Variants in SEC16B observed in about 807,000 individuals in gnomAD.
SEC16B encodes protein transport protein Sec16B.
In SEC16B, 115 loss-of-function variants were observed where a neutral mutation model predicts 141.8. That is an observed-to-expected ratio of 0.81 (90% confidence interval 0.70 to 0.95). The LOEUF (loss-of-function observed/expected upper bound fraction) is 0.95. SEC16B is among the 40% of genes least tolerant of loss of function. The probability of loss-of-function intolerance (pLI) is 0.00; values close to 1 mark genes in which losing one functional copy is unlikely to be tolerated. For missense variants in SEC16B, 1,291 were observed against 1,312.3 expected (o/e 0.98, Z 0.25); for synonymous variants, 493 against 492.5 (o/e 1.00, Z -0.01).
chr1:177,944,050 T>C (rs560009135), intron 15 of SEC16B, among the ~76,000 whole-genome samples: 1 of 152,264 alleles, frequency 6.6e-6, no homozygotes, highest in African/African-American at 2.4e-5. Flanking sequence ...AACCACAGTA[T>C]GGACACCACC....
At chr1:177,981,653 T>G (rs1654421708) in intron 1 of SEC16B, among the ~76,000 whole-genome samples, 1 of 152,156 alleles carries the variant, frequency 6.6e-6, no homozygotes, top group South Asian at 2.1e-4. Context: ...TTTAATAAAA[T>G]GTGGTAAGTG....
chr1:177,967,913 T>C lies in SEC16B; in HGVS notation c.69A>G (p.Pro23=). ...RGKATAPSKD[P]DRGFRRDGHH... ...GTCCATCTCTCCGAAACCCTCGGTCTGGATCCTTTGAGGGTGCTGTGGCCT... is the reference window on the plus strand; with the variant it reads ...GTCCATCTCTCCGAAACCCTCGGTCCGGATCCTTTGAGGGTGCTGTGGCCT... The change falls in exon 2 of 26, where the codon CCA becomes CCG. Residue 23 remains proline (P), a synonymous_variant. Transcript: ENST00000308284. 6.2e-7 allele frequency: 1 copy of C among 1,614,018 alleles called. No individual in the cohort carries two copies. Among genetic ancestry groups the C allele is most frequent in the Non-Finnish European group, 8.5e-7 (1 of 1,179,872 alleles).
chr1:177,940,512 G>A (rs567804163), intron 17 of SEC16B, 98 bp downstream of exon 17: 6 of 794,798 alleles, frequency 7.5e-6, no homozygotes, highest in African/African-American at 1.7e-5. Context: ...GGGGACCAGG[G>A]ACTTGCTAAT....
chr1:177,958,845 T>G lies in SEC16B; in HGVS notation c.1129A>C (p.Asn377His), dbSNP rs746591287. The G allele has an allele frequency of 6.2e-7, 1 of 1,613,250 alleles. No homozygotes were observed. The highest frequency in any genetic ancestry group is 2.2e-5 in the East Asian group (1 of 44,888). The change falls in exon 9 of 26, where the codon AAT (asparagine) becomes CAT (histidine). Residue 377 changes from asparagine (N) to histidine (H), a missense_variant. Asn to His is a moderately conservative substitution (Grantham distance 68, BLOSUM62 1). This residue lies in a region of SEC16B where 681 missense variants were observed against 675.5 expected (regional missense o/e 1.01). Coordinates refer to ENST00000308284, the MANE Select transcript of SEC16B (RefSeq NM_033127.4). The part of the protein sequence containing the change: ...WQLLVLLCRQ[N>H]GSMVGSDIAE... Reference sequence around the variant, plus strand: ...CCCACCAGAACAGAACTTACCCCATTCTGGCGACAAAGGAGAACCAAGAGC... The same window carrying G: ...CCCACCAGAACAGAACTTACCCCATGCTGGCGACAAAGGAGAACCAAGAGC...
At chr1:177,963,694 T>C (rs1342721791) in intron 5 of SEC16B, among the ~76,000 whole-genome samples, 2 of 152,346 alleles carry the variant, frequency 1.3e-5, no homozygotes, top group African/African-American at 4.8e-5. Context: ...AAAAAAGATT[T>C]CCATTTTGTG....
chr1:177,948,359 CG>C (rs1557976840), intron 12 of SEC16B: 1 of 1,304,462 alleles, frequency 7.7e-7, no homozygotes, highest in Non-Finnish European at 1.0e-6. Context: ...TCACAGAAGT[CG>C]GGGGAACACG....
rs759209279 is a variant in SEC16B, at chr1:177,947,887, G to A, written c.1601C>T (p.Ser534Leu). The A allele has an allele frequency of 1.2e-5, 19 of 1,560,622 alleles. No individual in the cohort carries two copies. In the South Asian group the frequency reaches 1.4e-4, roughly 12 times the overall value. Reference protein sequence around the residue: ...DWRPHLAVILSNQAGDPELYQ... With the variant: ...DWRPHLAVILLNQAGDPELYQ... ...CAGCTCTGGGTCCCCAGCCTGATTC[G>A]ACAGAATCACAGCCAAGTGAGGCCT... Residue 534 changes from serine (S) to leucine (L), a missense_variant, in exon 13 of 26, where the codon TCG (serine) becomes TTG (leucine). Around this residue, in one of 3 missense-constraint regions of SEC16B, gnomAD observed 681 missense variants for 675.5 expected, o/e 1.01. Coordinates refer to ENST00000308284, the MANE Select transcript of SEC16B (RefSeq NM_033127.4).
chr1:177,930,359 T>C (rs1001131230), intron 25 of SEC16B, among the ~76,000 whole-genome samples, 186 bp downstream of exon 25: 1 of 152,222 alleles, frequency 6.6e-6, no homozygotes, highest in Non-Finnish European at 1.5e-5. Context: ...AGGCCCTTCA[T>C]ATACATATCT....
chr1:177,974,137 T>C (rs938463508), upstream of SEC16B, among the ~76,000 whole-genome samples: 15 of 152,176 alleles, frequency 9.9e-5, no homozygotes, highest in African/African-American at 3.4e-4. Flanking sequence ...TTTTTTTATT[T>C]TGGCTAATAA....
At chr1:177,947,739 G>C (rs1651826901) in intron 13 of SEC16B, 86 bp downstream of exon 13, 1 of 682,320 alleles carries the variant, frequency 1.5e-6, no homozygotes, top group Non-Finnish European at 2.6e-6. Flanking sequence ...AGAGGGACGG[G>C]GAGGGGAGGT....
At chr1:177,948,203 A>G (rs1238629404) in intron 12 of SEC16B, among the ~76,000 whole-genome samples, 1 of 152,232 alleles carries the variant, frequency 6.6e-6, no homozygotes, top group Non-Finnish European at 1.5e-5. Flanking sequence ...AAATAAAATG[A>G]CATTGCTCAC....
At chr1:177,956,966 T>C (rs1036182211) in intron 10 of SEC16B, among the ~76,000 whole-genome samples, 1 of 152,182 alleles carries the variant, frequency 6.6e-6, no homozygotes, top group Non-Finnish European at 1.5e-5. Flanking sequence ...TAACTTATGA[T>C]ATTTTCTATT....
chr1:177,967,671 C>T lies in SEC16B; in HGVS notation c.299+12G>A, dbSNP rs143755222. On this transcript the variant is annotated intron_variant, in intron 2 of 25. Coordinates refer to ENST00000308284, the MANE Select transcript of SEC16B (RefSeq NM_033127.4). The stretch of plus-strand genomic sequence containing the variant: ...AGGAGAGTTGCATTCATTCCAAGCC[C>T]TAAAGCCATACCTTGAATACAACTG... The T allele has an allele frequency of 1.4e-4, 221 of 1,574,204 alleles. 1 individual carries two copies. In the African/African-American group the frequency reaches 2.4e-3, roughly 17 times the overall value.
chr1:177,946,174 C>G lies in SEC16B; in HGVS notation c.1775+246G>C. 6 of 601,258 alleles carry G rather than the reference C, an allele frequency of 1.0e-5. No homozygotes were observed. In the South Asian group the frequency reaches 1.2e-4, roughly 12 times the overall value. 37.2% of individuals were successfully genotyped at this position (601,258 alleles called of 1,614,324 possible). On this transcript the variant is annotated intron_variant, in intron 14 of 25. Coordinates refer to ENST00000308284, the MANE Select transcript of SEC16B (RefSeq NM_033127.4). ...AGTGGCCAAAGGGCACAATACCACACAAAGGCATCAGCCCACCTCTTTGCA... is the reference window on the plus strand; with the variant it reads ...AGTGGCCAAAGGGCACAATACCACAGAAAGGCATCAGCCCACCTCTTTGCA...
At position 177,954,378 on chromosome 1, in the gene SEC16B, T is replaced by G. The variant is rs1652438258; in HGVS notation, c.1366-2A>C. ...CTTCATGGCCCACTCCAAGGCTTCC[T>G]GAAAACCAAAACATCACATTCAAGA... On this transcript the variant is annotated splice_acceptor_variant, in intron 10 of 25. Transcript: ENST00000308284. LOFTEE classifies it high-confidence loss of function. 6.4e-7 allele frequency: 1 copy of G among 1,567,966 alleles called. No homozygotes were observed. The highest frequency in any genetic ancestry group is 1.4e-5 in the African/African-American group (1 of 73,716).
chr1:177,957,725 C>T (rs1458028404), intron 10 of SEC16B, among the ~76,000 whole-genome samples: 2 of 152,016 alleles, frequency 1.3e-5, no homozygotes, highest in Non-Finnish European at 2.9e-5. Flanking sequence ...ACTATAGTTC[C>T]CCTTTTGTGC....
chr1:177,939,621 T>G, intron 18 of SEC16B, 81 bp downstream of exon 18: 1 of 1,216,768 alleles, frequency 8.2e-7, no homozygotes, highest in South Asian at 1.3e-5. Flanking sequence ...AAAGGGCGAG[T>G]GCTTTCATAA....
At chr1:177,930,991 A>G (rs1282154307) in intron 24 of SEC16B, among the ~76,000 whole-genome samples, 5 of 152,228 alleles carry the variant, frequency 3.3e-5, no homozygotes, top group African/African-American at 1.2e-4. Context: ...GTAAATTAGT[A>G]CAACCTCTAT....
intron 2 of SEC16B, 114 bp downstream of exon 2, chr1:177,967,569 A>G: frequency 9.0e-7 from 1 of 1,112,324 alleles, no homozygotes; most frequent in Non-Finnish European, 1.3e-6. Flanking sequence ...AGTAAGGTAG[A>G]GAAGGAAAAA....
Sources: allele counts gnomAD v4.1 joint callset (sites outside exome capture counted in the v4.1 genomes callset), GRCh38; gene constraint gnomAD v4.1.1; regional missense constraint gnomAD v4.1.1; transcripts MANE v1.5; gene names NCBI Gene and HGNC (gene_info 2026-07-23, HGNC 2026-07-21).